The following GAS2 variants were observed in gnomAD, a reference collection of about 807,000 sequenced individuals.
GAS2 encodes the protein growth arrest-specific protein 2.
GAS2 carries 20 observed loss-of-function variants against 37.5 expected under a neutral mutation model. The ratio of observed to expected loss-of-function variants is 0.53; its 90% CI spans 0.37 to 0.77. GAS2 has a LOEUF of 0.77. GAS2 is among the 30% of genes least tolerant of loss of function. The pLI, the probability that GAS2 is intolerant of heterozygous loss-of-function variation, is 0.00. For synonymous variants in GAS2, 144 were observed against 132.2 expected (o/e 1.09, Z -0.61); for missense variants, 336 against 373.4 (o/e 0.90, Z 0.82).
At chr11:22,696,546 T>G (rs1013327279) in intron 3 of GAS2, among the ~76,000 whole-genome samples, 27 of 152,080 alleles carry the variant, frequency 1.8e-4, no homozygotes, top group Non-Finnish European at 2.9e-4. Context: ...TGAACTAGTT[T>G]ACAGTCCCAC....
rs1848719071 is a variant in GAS2 at position 22,647,731 on chromosome 11, G to A, written c.-21+21918G>A. ...CTGCATAAATGTCTTCTTTTGAGAA[G>A]TGTCTGTTCATGTCCTTCGCCCACT... On this transcript the variant is annotated intron_variant, in intron 1 of 5. Transcript: ENST00000528582. 5.3e-5 allele frequency among the ~76,000 whole-genome samples: 8 copies of A among 152,244 alleles called. No individual in the cohort carries two copies. In the East Asian group the frequency reaches 1.5e-3, roughly 29 times the overall value.
chr11:22,801,551 T>C (rs570847746), intron 7 of GAS2, among the ~76,000 whole-genome samples: 1 of 152,176 alleles, frequency 6.6e-6, no homozygotes, highest in Admixed American at 6.5e-5. Flanking sequence ...CGTGACATGA[T>C]GTAATAAATC....
intron 7 of GAS2, among the ~76,000 whole-genome samples, chr11:22,805,077 T>C (rs1336160316): frequency 6.6e-6 from 1 of 151,866 alleles, no homozygotes; most frequent in Non-Finnish European, 1.5e-5. Context: ...TTTATGGAGA[T>C]GGAGGTGAGT....
At chr11:22,781,651 T>C (rs943095975) in intron 7 of GAS2, among the ~76,000 whole-genome samples, 34 of 152,294 alleles carry the variant, frequency 2.2e-4, no homozygotes, top group Middle Eastern at 3.4e-3. Flanking sequence ...AAAATCATAA[T>C]TGTTAGTCTG....
chr11:22,806,972 T>C (rs912940670), intron 7 of GAS2, among the ~76,000 whole-genome samples: 2 of 152,216 alleles, frequency 1.3e-5, no homozygotes, highest in Non-Finnish European at 2.9e-5. Flanking sequence ...CCTTTCTGTT[T>C]TAAGTATTAT....
intron 7 of GAS2, among the ~76,000 whole-genome samples, chr11:22,801,032 G>A (rs1289564147): frequency 6.6e-6 from 1 of 151,888 alleles, no homozygotes; most frequent in African/African-American, 2.4e-5. Context: ...CATGAATGTA[G>A]ACTTTACCTT....
intron 3 of GAS2, among the ~76,000 whole-genome samples, chr11:22,707,693 A>G (rs1186587985): frequency 1.3e-5 from 2 of 152,226 alleles, no homozygotes; most frequent in African/African-American, 4.8e-5. Context: ...AGTGAACCAA[A>G]TATTAATGCT....
chr11:22,790,590 ATTTT>A (rs58284244), intron 7 of GAS2, among the ~76,000 whole-genome samples: 7 of 111,798 alleles, frequency 6.3e-5, no homozygotes, highest in African/African-American at 6.4e-5. Flanking sequence ...CTTCTTCTCT[ATTTT>A]TTTTTTTTTT....
At chr11:22,727,632 G>A (rs1852278615) in intron 4 of GAS2, among the ~76,000 whole-genome samples, 1 of 151,940 alleles carries the variant, frequency 6.6e-6, no homozygotes. Context: ...TAAAAAAAAG[G>A]AAACAGAATG....
chr11:22,702,339 CT>C (rs1315272283), intron 3 of GAS2: 2 of 152,074 alleles, frequency 1.3e-5, no homozygotes, highest in Non-Finnish European at 2.9e-5. Context: ...TGCTGAGATT[CT>C]TTAGGAATAA....
At chr11:22,697,849 G>C (rs200326220) in intron 3 of GAS2, among the ~76,000 whole-genome samples, 6,251 of 152,176 alleles carry the variant, frequency 0.041, 211 homozygotes, top group East Asian at 0.2. Flanking sequence ...TTTGGGCTGA[G>C]ACAATGGGGT....
At chr11:22,779,430 G>A (rs1855438022) in intron 7 of GAS2, among the ~76,000 whole-genome samples, 2 of 152,178 alleles carry the variant, frequency 1.3e-5, no homozygotes, top group Admixed American at 6.5e-5. Context: ...GGGCGTGGTG[G>A]CTCACGCCTG....
At chr11:22,679,257 C>T (rs182374885) in intron 2 of GAS2, among the ~76,000 whole-genome samples, 14 of 152,144 alleles carry the variant, frequency 9.2e-5, no homozygotes, top group Admixed American at 6.5e-4. Flanking sequence ...AAGATCTTAT[C>T]GTCTTTCTTT....
rs1473054648 is a variant in GAS2, at chr11:22,647,012, A to T, written c.-21+21199A>T. 8.6e-4 allele frequency among the ~76,000 whole-genome samples: 130 copies of T among 151,132 alleles called. 1 individual carries two copies. Among genetic ancestry groups the T allele is most frequent in the Non-Finnish European group, 1.7e-3 (115 of 67,798 alleles). Reference sequence around the variant, plus strand: ...ATGTATACATGTGCCATGCTGGTGCACTGCACCCACTAACTCGTCATCTAG... The same window carrying T: ...ATGTATACATGTGCCATGCTGGTGCTCTGCACCCACTAACTCGTCATCTAG... On this transcript the variant is annotated intron_variant, in intron 1 of 5. Transcript: ENST00000528582.
chr11:22,778,899 ATATT>A (rs1439668841), intron 7 of GAS2, among the ~76,000 whole-genome samples: 7 of 152,120 alleles, frequency 4.6e-5, no homozygotes, highest in Non-Finnish European at 8.8e-5. Flanking sequence ...GAAGGGGGAT[ATATT>A]TATTTATTTT....
chr11:22,652,292 C>T (rs1336800413), intron 1 of GAS2, among the ~76,000 whole-genome samples: 2 of 152,196 alleles, frequency 1.3e-5, no homozygotes, highest in Non-Finnish European at 2.9e-5. Context: ...AGATCTCCAG[C>T]TGTGTGCTGG....
At chr11:22,757,651 T>C (rs1291456358) in intron 7 of GAS2, among the ~76,000 whole-genome samples, 1 of 152,232 alleles carries the variant, frequency 6.6e-6, no homozygotes, top group Non-Finnish European at 1.5e-5. Context: ...TTGATTTTTA[T>C]ACTATCCACA....
At chr11:22,726,552 AG>A (rs1331873477) in intron 4 of GAS2, 119 bp downstream of exon 4, 5 of 818,450 alleles carry the variant, frequency 6.1e-6, no homozygotes, top group Non-Finnish European at 9.9e-6. Flanking sequence ...TAGCTTAAAA[AG>A]TCTGAGTTTG....
chr11:22,652,658 T>C (rs1268040542), intron 1 of GAS2, among the ~76,000 whole-genome samples: 1 of 152,202 alleles, frequency 6.6e-6, no homozygotes, highest in Non-Finnish European at 1.5e-5. Flanking sequence ...AAAAGCGCAG[T>C]ATTCGGGTGG....
Sources: gnomAD v4.1 joint callset for allele counts (sites outside exome capture counted in the v4.1 genomes callset) on GRCh38, gnomAD v4.1.1 for gene constraint, MANE v1.5 for transcripts, NCBI Gene and HGNC (gene_info 2026-07-23, HGNC 2026-07-21) for gene names.